The following TMEM132D variants were observed in gnomAD, a reference collection of about 807,000 sequenced individuals.
TMEM132D encodes mature OL transmembrane protein.
Under a neutral mutation model 62.3 loss-of-function variants are expected in TMEM132D, and 21 were observed. That is an observed-to-expected ratio of 0.34 (90% CI 0.24 to 0.49). TMEM132D has a LOEUF of 0.49. Among genes scored for constraint, TMEM132D ranks in the 20% least tolerant of loss-of-function variants. The pLI is 0.99. For missense variants in TMEM132D, 1,346 were observed against 1,402.8 expected (o/e 0.96, Z 0.65); for synonymous variants, 621 against 575.6 (o/e 1.08, Z -1.13).
intron 3 of TMEM132D, among the ~76,000 whole-genome samples, chr12:129,405,452 T>G (rs11060323): frequency 2.6e-5 from 4 of 152,024 alleles, no homozygotes; most frequent in Non-Finnish European, 2.9e-5. Context: ...CCCATAACTA[T>G]TAGGGATTGA....
At chr12:129,865,300 C>T (rs1874023189) in intron 1 of TMEM132D, among the ~76,000 whole-genome samples, 1 of 152,142 alleles carries the variant, frequency 6.6e-6, no homozygotes. Flanking sequence ...GGCAGGGGTT[C>T]CATGAACAGA....
chr12:129,773,946 G>A (rs1477723918), intron 1 of TMEM132D, among the ~76,000 whole-genome samples: 1 of 152,170 alleles, frequency 6.6e-6, no homozygotes, highest in Admixed American at 6.5e-5. Context: ...GTTACTAAAT[G>A]AGACAATGCA....
chr12:129,810,574 C>CACA (rs1872143253), intron 1 of TMEM132D, among the ~76,000 whole-genome samples: 4 of 4,824 alleles, frequency 8.3e-4, no homozygotes, highest in Admixed American at 3.9e-3. Context: ...ACACACACAC[C>CACA]CCCCCACACT....
intron 3 of TMEM132D, chr12:129,521,709 G>T (rs1010484672): frequency 6.6e-6 from 1 of 152,144 alleles, no homozygotes; most frequent in Non-Finnish European, 1.5e-5. Context: ...TTTTCTCAAC[G>T]CTTCTGTCGC....
intron 2 of TMEM132D, among the ~76,000 whole-genome samples, chr12:129,665,965 T>G (rs1281906025): frequency 6.6e-6 from 1 of 152,228 alleles, no homozygotes; most frequent in African/African-American, 2.4e-5. Flanking sequence ...TTTCTCTTCT[T>G]ATGTGAAATA....
chr12:129,754,583 T>C (rs1870105183), intron 1 of TMEM132D, among the ~76,000 whole-genome samples: 2 of 152,142 alleles, frequency 1.3e-5, no homozygotes, highest in African/African-American at 4.8e-5. Flanking sequence ...ATGGCTGAGA[T>C]CAGGCGGGAC....
intron 2 of TMEM132D, among the ~76,000 whole-genome samples, chr12:129,581,299 G>A (rs1380751457): frequency 6.6e-6 from 1 of 152,146 alleles, no homozygotes; most frequent in Non-Finnish European, 1.5e-5. Context: ...GCAGAACCAT[G>A]AGCCAAGTGT....
intron 1 of TMEM132D, among the ~76,000 whole-genome samples, chr12:129,896,027 T>C (rs1875112293): frequency 6.6e-6 from 1 of 150,988 alleles, no homozygotes; most frequent in Non-Finnish European, 1.5e-5. Context: ...TTAGAGTGTA[T>C]TACATGATCA....
intron 3 of TMEM132D, among the ~76,000 whole-genome samples, chr12:129,342,838 C>T (rs1173595767): frequency 2.0e-5 from 3 of 152,318 alleles, no homozygotes; most frequent in East Asian, 1.9e-4. Flanking sequence ...CTCATCATCA[C>T]TGGCCATCAG....
rs540016712 is a variant in TMEM132D at position 129,527,036 on chromosome 12, C to T, written c.1115+4023G>A. ...AAAACAATCTATTTAAGGCTGGGTACGGTGGCTCATTCCCATAATCCCAGC... is the reference window on the plus strand; with the variant it reads ...AAAACAATCTATTTAAGGCTGGGTATGGTGGCTCATTCCCATAATCCCAGC... On this transcript the variant is annotated intron_variant, in intron 3 of 8. Transcript: ENST00000422113. Among the ~76,000 whole-genome samples the T allele has an allele frequency of 5.6e-4, 85 of 152,278 alleles. 1 individual carries two copies. Among genetic ancestry groups the T allele is most frequent in the Admixed American group, 2.8e-3 (43 of 15,292 alleles).
At chr12:129,490,370 T>G (rs1399200101) in intron 3 of TMEM132D, among the ~76,000 whole-genome samples, 1 of 151,510 alleles carries the variant, frequency 6.6e-6, no homozygotes, top group Non-Finnish European at 1.5e-5. Context: ...TGTTTGGCCT[T>G]GATGATATTA....
At chr12:129,291,343 C>A (rs1881441931) in intron 4 of TMEM132D, among the ~76,000 whole-genome samples, 1 of 152,174 alleles carries the variant, frequency 6.6e-6, no homozygotes, top group Non-Finnish European at 1.5e-5. Flanking sequence ...TATGGTGCAA[C>A]TTCACTTTAC....
At chr12:129,780,983 T>C (rs1432696791) in intron 1 of TMEM132D, among the ~76,000 whole-genome samples, 1 of 152,156 alleles carries the variant, frequency 6.6e-6, no homozygotes, top group African/African-American at 2.4e-5. Flanking sequence ...ATGATTTGAG[T>C]TGTCTGGCCA....
At chr12:129,183,529 C>G (rs766444425) in intron 5 of TMEM132D, among the ~76,000 whole-genome samples, 14 of 152,336 alleles carry the variant, frequency 9.2e-5, no homozygotes, top group African/African-American at 3.1e-4. Flanking sequence ...CTAGAAGGAG[C>G]CTTGCTAGTG....
chr12:129,713,008 TAGC>T (rs1226451472), intron 1 of TMEM132D, among the ~76,000 whole-genome samples: 4 of 152,254 alleles, frequency 2.6e-5, no homozygotes, highest in Admixed American at 2.0e-4. Flanking sequence ...CACTGTTACT[TAGC>T]AGCCTCGTCA....
chr12:129,082,309 T>C (rs575984057), intron 6 of TMEM132D, among the ~76,000 whole-genome samples: 2 of 152,274 alleles, frequency 1.3e-5, no homozygotes, highest in African/African-American at 4.8e-5. Flanking sequence ...ACCTCTCCCT[T>C]TGAGTGTGGG....
intron 2 of TMEM132D, chr12:129,682,922 T>G (rs932782630): frequency 1.3e-5 from 2 of 150,022 alleles, no homozygotes; most frequent in African/African-American, 4.9e-5. Context: ...ACAACTTCAC[T>G]TGATCCGCTC....
rs532067755 is a variant in TMEM132D at position 129,443,684 on chromosome 12, T to G, written c.1115+87375A>C. ...CTTAATTTCCTAAACAACATTGTTC[T>G]CCCTTTCCCTGCTTTCAGCTCCCCC... On this transcript the variant is annotated intron_variant, in intron 3 of 8. Coordinates refer to ENST00000422113, the MANE Select transcript of TMEM132D (RefSeq NM_133448.3). Among the ~76,000 whole-genome samples the G allele has an allele frequency of 5.9e-5, 9 of 152,212 alleles. No individual in the cohort carries two copies. In the South Asian group the frequency reaches 1.9e-3, roughly 32 times the overall value.
chr12:129,889,787 C>A (rs965925245), intron 1 of TMEM132D, among the ~76,000 whole-genome samples: 2 of 152,172 alleles, frequency 1.3e-5, no homozygotes, highest in Non-Finnish European at 2.9e-5. Flanking sequence ...AGGAACAGTT[C>A]TTCCTCTTGA....
Sources: gnomAD v4.1 joint callset for allele counts (sites outside exome capture counted in the v4.1 genomes callset) on GRCh38, gnomAD v4.1.1 for gene constraint, MANE v1.5 for transcripts, NCBI Gene and HGNC (gene_info 2026-07-23, HGNC 2026-07-21) for gene names.